Variants in IFT43 observed in about 807,000 individuals in gnomAD.
IFT43 encodes intraflagellar transport 43.
In IFT43, 33 loss-of-function variants were observed where a neutral mutation model predicts 32.3. The ratio of observed to expected loss-of-function variants is 1.02; its 90% CI spans 0.77 to 1.37. The LOEUF (loss-of-function observed/expected upper bound fraction) is 1.37, where lower values mean the gene tolerates loss of function less well. IFT43 is among the 40% of genes most tolerant of loss of function. The probability of loss-of-function intolerance (pLI) is 0.00; values close to 1 mark genes in which losing one functional copy is unlikely to be tolerated. For missense variants in IFT43, 274 were observed against 265.9 expected (o/e 1.03, Z -0.21); for synonymous variants, 93 against 98.2 (o/e 0.95, Z 0.31).
chr14:76,063,186 T>G (rs1041271368), intron 5 of IFT43, among the ~76,000 whole-genome samples: 2 of 152,148 alleles, frequency 1.3e-5, no homozygotes, highest in Non-Finnish European at 2.9e-5. Flanking sequence ...AGCTCACACC[T>G]TTTCAGTAGT....
At chr14:76,080,028 G>A (rs750069976) in intron 5 of IFT43, among the ~76,000 whole-genome samples, 2 of 152,160 alleles carry the variant, frequency 1.3e-5, no homozygotes, top group Non-Finnish European at 2.9e-5. Context: ...TTGTAAATCA[G>A]AAACTGTAAA....
chr14:76,074,228 A>C (rs1255290543), intron 5 of IFT43, among the ~76,000 whole-genome samples: 1 of 152,178 alleles, frequency 6.6e-6, no homozygotes, highest in Non-Finnish European at 1.5e-5. Context: ...TGTCACATTA[A>C]TACCAGATCA....
At chr14:76,043,359 T>A (rs1377604157) in intron 3 of IFT43, among the ~76,000 whole-genome samples, 1 of 139,742 alleles carries the variant, frequency 7.2e-6, no homozygotes, top group Non-Finnish European at 1.6e-5. Flanking sequence ...GTGGGCAAGG[T>A]AGAGAAGAGC....
rs1229130270 is a variant in IFT43, at chr14:75,999,253, A to AAATTCATTTTT, written c.147+10276_147+10277insAATTCATTTTT. On this transcript the variant is annotated intron_variant, in intron 2 of 8. Coordinates refer to ENST00000314067, the MANE Select transcript of IFT43 (RefSeq NM_001102564.3). ...TATATATATATATATATATATATAT[A>AAATTCATTTTT]TATATATATATATATATATGTATAT... 4.1e-3 allele frequency among the ~76,000 whole-genome samples: 44 copies of AAATTCATTTTT among 10,660 alleles called. 2 individuals carry two copies. Among genetic ancestry groups the AAATTCATTTTT allele is most frequent in the African/African-American group, 0.017 (36 of 2,130 alleles). 7.0% of individuals were successfully genotyped at this position (10,660 alleles called of 152,430 possible).
intron 3 of IFT43, among the ~76,000 whole-genome samples, chr14:76,050,705 A>G (rs557162375): frequency 6.6e-6 from 1 of 152,262 alleles, no homozygotes; most frequent in East Asian, 1.9e-4. Context: ...TTCTCCTACC[A>G]GATTGTAAAA....
Position 76,083,637 on chromosome 14 carries a change from GTAAGCAGC to G in IFT43, c.*62_*69del. On this transcript the variant is annotated 3_prime_UTR_variant, in exon 9 of 9. Coordinates refer to ENST00000314067, the MANE Select transcript of IFT43 (RefSeq NM_001102564.3). ...AATGAGCTTAAAGCTAAAGAAGCTTGTAAGCAGCTCCGAATTTTTACCTGGAATATTTT... is the reference window on the plus strand; with the variant it reads ...AATGAGCTTAAAGCTAAAGAAGCTTGTCCGAATTTTTACCTGGAATATTTT... 1.9e-6 allele frequency: 3 copies of G among 1,551,036 alleles called. No homozygotes were observed. Among genetic ancestry groups the G allele is most frequent in the Non-Finnish European group, 1.8e-6 (2 of 1,128,228 alleles).
chr14:76,042,178 C>A (rs1371177063), intron 3 of IFT43, among the ~76,000 whole-genome samples: 1 of 151,614 alleles, frequency 6.6e-6, no homozygotes, highest in Non-Finnish European at 1.5e-5. Context: ...GTGCTAAACA[C>A]AGTTATCTTT....
intron 3 of IFT43, among the ~76,000 whole-genome samples, chr14:76,050,016 C>G (rs1365275655): frequency 1.8e-4 from 28 of 152,166 alleles, no homozygotes; most frequent in Non-Finnish European, 1.6e-4. Context: ...TTATTTCAGC[C>G]ACACCATGTC....
intron 5 of IFT43, among the ~76,000 whole-genome samples, chr14:76,061,538 A>G (rs968114490): frequency 9.9e-5 from 15 of 152,210 alleles, no homozygotes; most frequent in East Asian, 1.9e-4. Context: ...CAGTGCTTCA[A>G]CTTGGATCGT....
At position 76,050,458 on chromosome 14, in the gene IFT43, T is replaced by C. The variant is rs149784402; in HGVS notation, c.216-8184T>C. On this transcript the variant is annotated intron_variant, in intron 3 of 8. Transcript: ENST00000314067. Reference sequence around the variant, plus strand: ...TGGATGTGGTGGGAGTGTTTGGATGTGGTGGGAGTCTTTTGTTTGTTTTCT... The same window carrying C: ...TGGATGTGGTGGGAGTGTTTGGATGCGGTGGGAGTCTTTTGTTTGTTTTCT... Among the ~76,000 whole-genome samples, 229 of 151,966 alleles carry C rather than the reference T, an allele frequency of 1.5e-3. 3 individuals are homozygous for C. In the East Asian group the frequency reaches 0.03, roughly 20 times the overall value.
At chr14:75,990,787 A>G (rs1418160462) in intron 2 of IFT43, among the ~76,000 whole-genome samples, 1 of 152,248 alleles carries the variant, frequency 6.6e-6, no homozygotes, top group East Asian at 1.9e-4. Context: ...ACGCGGAAGC[A>G]AATGACTGAG....
chr14:76,032,745 G>A (rs940971590), intron 3 of IFT43, among the ~76,000 whole-genome samples: 1 of 152,184 alleles, frequency 6.6e-6, no homozygotes, highest in African/African-American at 2.4e-5. Context: ...AAGGTGGAGA[G>A]CTGAAAGGCT....
chr14:76,062,917 C>CAAAAAAAAAAAAAAAAAAAAA lies in IFT43; in HGVS notation c.295+3548_295+3568dup, dbSNP rs746158153. On this transcript the variant is annotated intron_variant, in intron 5 of 8. Transcript: ENST00000314067. ...TGGGCAACAGAGTGAGATCCCATCT[C>CAAAAAAAAAAAAAAAAAAAAA]AAAAAAAAAAAAAAAAAAAAAAAAG... is the stretch of plus-strand genomic sequence containing the variant. 4.7e-4 allele frequency among the ~76,000 whole-genome samples: 34 copies of CAAAAAAAAAAAAAAAAAAAAA among 72,476 alleles called. 1 individual carries two copies. Among genetic ancestry groups the CAAAAAAAAAAAAAAAAAAAAA allele is most frequent in the African/African-American group, 1.2e-3 (20 of 16,870 alleles). 47.5% of individuals were successfully genotyped at this position (72,476 alleles called of 152,430 possible). A position where few individuals can be genotyped will look rare whatever the true frequency, so the allele number is the denominator to read the frequency against.
At chr14:76,076,570 A>G in intron 5 of IFT43, 1 of 1,613,760 alleles carries the variant, frequency 6.2e-7, no homozygotes, top group Non-Finnish European at 8.5e-7. Context: ...AGCTGAGTCC[A>G]ATCTAAGAAG....
At chr14:76,008,542 G>T (rs540866249) in intron 2 of IFT43, among the ~76,000 whole-genome samples, 2 of 152,074 alleles carry the variant, frequency 1.3e-5, no homozygotes, top group Non-Finnish European at 1.5e-5. Flanking sequence ...TGAGCACAAG[G>T]CTGCCCAGCT....
chr14:76,058,914 C>G, intron 4 of IFT43: 1 of 1,456,988 alleles, frequency 6.9e-7, no homozygotes, highest in Admixed American at 2.7e-5. Context: ...AATTATATGT[C>G]CAGGTATCAG....
At chr14:76,042,192 C>T (rs1046563142) in intron 3 of IFT43, among the ~76,000 whole-genome samples, 1 of 151,814 alleles carries the variant, frequency 6.6e-6, no homozygotes, top group African/African-American at 2.4e-5. Flanking sequence ...TATCTTTTTC[C>T]TCAAAACAAC....
At position 76,012,299 on chromosome 14, in the gene IFT43, A is replaced by G. The variant is rs985427942; in HGVS notation, c.148-10028A>G. On this transcript the variant is annotated intron_variant, in intron 2 of 8. Transcript: ENST00000314067. ...ACTGCAGCATCTTTTCTGTTTTGGC[A>G]TCTTAAGAATCTGGGGGAACCATAT... Among the ~76,000 whole-genome samples the G allele has an allele frequency of 4.6e-5, 7 of 152,314 alleles. No individual in the cohort carries two copies. In the East Asian group the frequency reaches 9.6e-4, roughly 21 times the overall value.
At chr14:76,013,918 G>T in intron 2 of IFT43, 1 of 233,902 alleles carries the variant, frequency 4.3e-6, no homozygotes, top group South Asian at 1.0e-4. Context: ...CCCAAACAAT[G>T]ACAAAAAGGA....
Sources: allele counts gnomAD v4.1 joint callset (sites outside exome capture counted in the v4.1 genomes callset), GRCh38; gene constraint gnomAD v4.1.1; transcripts MANE v1.5; gene names NCBI Gene and HGNC (gene_info 2026-07-23, HGNC 2026-07-21).